Variants in NAV3 observed in about 807,000 individuals in gnomAD.
The protein encoded by NAV3 is pore membrane and/or filament interacting like protein 1.
Under a neutral mutation model 244.7 loss-of-function variants are expected in NAV3, and 87 were observed. The observed-to-expected ratio is 0.36, with a 90% CI of 0.30 to 0.42. NAV3 has a LOEUF of 0.42. NAV3 is among the 20% of genes least tolerant of loss of function. NAV3 has a pLI of 1.00. For missense variants in NAV3, 2,663 were observed against 2,893.3 expected (o/e 0.92, Z 1.83); for synonymous variants, 1,126 against 1,042.2 (o/e 1.08, Z -1.55).
intron 2 of NAV3, among the ~76,000 whole-genome samples, chr12:77,662,251 A>G (rs1236662439): frequency 2.0e-5 from 3 of 151,430 alleles, no homozygotes; most frequent in African/African-American, 4.8e-5. Context: ...CTATCTATCT[A>G]TCTATCTATC....
intron 1 of NAV3, among the ~76,000 whole-genome samples, chr12:77,937,973 CT>C (rs776300350): frequency 1.1e-4 from 16 of 152,034 alleles, no homozygotes; most frequent in Non-Finnish European, 8.8e-5. Flanking sequence ...TACAACAAGA[CT>C]TTTTTTTACA....
chr12:77,629,552 A>T (rs2136911443), intron 2 of NAV3, among the ~76,000 whole-genome samples: 1 of 152,262 alleles, frequency 6.6e-6, no homozygotes, highest in African/African-American at 2.4e-5. Context: ...GGTTCTCTTT[A>T]TCTCTTGCTT....
At chr12:77,973,082 T>A (rs1430988064) in intron 5 of NAV3, among the ~76,000 whole-genome samples, 2 of 152,214 alleles carry the variant, frequency 1.3e-5, no homozygotes, top group Non-Finnish European at 2.9e-5. Context: ...AAGATACATT[T>A]TTTTATTTGC....
rs1955565785 is a variant in NAV3 at position 78,119,361 on chromosome 12, C to T, written c.3165C>T (p.Gly1055=). ...SGDEGKKPPS[G]IGRSTATSSF... is the part of the protein sequence containing the mutation. Reference sequence around the variant, plus strand: ...ATGAAGGGAAAAAGCCCCCCTCAGGCATTGGAAGATCGACTGCCACCAGCT... The same window carrying T: ...ATGAAGGGAAAAAGCCCCCCTCAGGTATTGGAAGATCGACTGCCACCAGCT... Residue 1055 remains glycine (G), a synonymous_variant, in exon 15 of 40, where the codon GGC becomes GGT. Transcript: ENST00000397909. 6.2e-7 allele frequency: 1 copy of T among 1,614,162 alleles called. No individual in the cohort carries two copies.
intron 2 of NAV3, among the ~76,000 whole-genome samples, chr12:77,634,495 T>C (rs1178910510): frequency 6.6e-6 from 1 of 152,200 alleles, no homozygotes; most frequent in East Asian, 1.9e-4. Context: ...TAATCTTAGT[T>C]TGGGACCACA....
intron 2 of NAV3, among the ~76,000 whole-genome samples, chr12:77,659,038 C>A (rs1230517552): frequency 6.6e-6 from 1 of 152,010 alleles, no homozygotes; most frequent in African/African-American, 2.4e-5. Flanking sequence ...CCATTCAGGA[C>A]ATAGGCATGG....
rs1008243154 is a variant in NAV3, at chr12:78,122,371, A to G, written c.4181A>G (p.His1394Arg). The G allele has an allele frequency of 5.0e-6, 8 of 1,613,648 alleles. No individual in the cohort carries two copies. The highest frequency in any genetic ancestry group is 6.8e-6 in the Non-Finnish European group (8 of 1,179,906). Residue 1394 changes from histidine (H) to arginine (R), a missense_variant, in exon 16 of 40, where the codon CAC becomes CGC. His to Arg is a conservative substitution (Grantham distance 29). Transcript: ENST00000397909. ...GSLSGLTTGTHEVQSLLMRTG... is the reference protein window; with the variant it reads ...GSLSGLTTGTREVQSLLMRTG... ...TTGTCTGGACTGACCACAGGCACTC[A>G]CGAGGTCCAGAGCCTGCTCATGAGA... is the stretch of plus-strand genomic sequence containing the variant.
At chr12:77,621,537 G>A (rs1203804309) in intron 2 of NAV3, among the ~76,000 whole-genome samples, 1 of 146,706 alleles carries the variant, frequency 6.8e-6, no homozygotes, top group Non-Finnish European at 1.5e-5. Flanking sequence ...CTGGAATACA[G>A]TGGTGTGATC....
chr12:77,814,515 TG>T, intron 2 of NAV3, among the ~76,000 whole-genome samples: 1 of 152,054 alleles, frequency 6.6e-6, no homozygotes, highest in Non-Finnish European at 1.5e-5. Context: ...TCAAAGGGAA[TG>T]GCTGGGTTAG....
At chr12:78,191,438 C>T (rs745639334) in intron 34 of NAV3, among the ~76,000 whole-genome samples, 47 of 152,184 alleles carry the variant, frequency 3.1e-4, no homozygotes, top group Middle Eastern at 3.4e-3. Context: ...ACAGTGCACG[C>T]GCACATACAC....
At chr12:77,914,593 G>C (rs998020870) in intron 1 of NAV3, among the ~76,000 whole-genome samples, 3 of 152,054 alleles carry the variant, frequency 2.0e-5, no homozygotes, top group African/African-American at 4.8e-5. Flanking sequence ...GGGTTTGCTA[G>C]TGCTCTTTGG....
chr12:77,991,807 C>T (rs199726093), intron 5 of NAV3, among the ~76,000 whole-genome samples: 9 of 152,154 alleles, frequency 5.9e-5, no homozygotes, highest in East Asian at 1.9e-4. Context: ...CCGAGGTGAG[C>T]GGATCAAGAG....
chr12:77,590,218 A>T, intron 2 of NAV3, among the ~76,000 whole-genome samples: 1 of 152,322 alleles, frequency 6.6e-6, no homozygotes, highest in South Asian at 2.1e-4. Flanking sequence ...ATTTAGGATG[A>T]CAGAACTTGG....
chr12:78,187,139 T>G (rs1958756662), intron 31 of NAV3, among the ~76,000 whole-genome samples: 1 of 151,892 alleles, frequency 6.6e-6, no homozygotes, highest in African/African-American at 2.4e-5. Context: ...TTGTCAGCTG[T>G]GGATTTCTCA....
intron 12 of NAV3, among the ~76,000 whole-genome samples, chr12:78,092,057 A>G (rs1344196952): frequency 6.6e-6 from 1 of 152,194 alleles, no homozygotes; most frequent in Non-Finnish European, 1.5e-5. Context: ...CTACGGTATT[A>G]GCACTGAGGA....
intron 2 of NAV3, among the ~76,000 whole-genome samples, chr12:77,573,336 T>C (rs910802791): frequency 1.3e-5 from 2 of 152,160 alleles, no homozygotes; most frequent in African/African-American, 4.8e-5. Context: ...GCAACTGGCA[T>C]GGGGCTACAG....
At chr12:77,880,070 G>A (rs1291392018) in intron 1 of NAV3, among the ~76,000 whole-genome samples, 2 of 152,164 alleles carry the variant, frequency 1.3e-5, no homozygotes, top group Non-Finnish European at 2.9e-5. Context: ...ATTGGCAGTA[G>A]TGATGATTAA....
intron 22 of NAV3, among the ~76,000 whole-genome samples, chr12:78,150,514 T>A (rs1488049301): frequency 6.9e-6 from 1 of 144,066 alleles, no homozygotes; most frequent in Admixed American, 7.4e-5. Context: ...TTTTGTTTTT[T>A]TTTCTCTGAG....
At chr12:77,708,151 G>A (rs558707359) in intron 2 of NAV3, among the ~76,000 whole-genome samples, 2 of 152,272 alleles carry the variant, frequency 1.3e-5, no homozygotes, top group African/African-American at 4.8e-5. Flanking sequence ...TGTCCTGAAT[G>A]GTATTGCCTA....
Sources: gnomAD v4.1 joint callset for allele counts (sites outside exome capture counted in the v4.1 genomes callset) on GRCh38, gnomAD v4.1.1 for gene constraint, MANE v1.5 for transcripts, NCBI Gene and HGNC (gene_info 2026-07-23, HGNC 2026-07-21) for gene names.